RABGGTA: variants seen among roughly 807,000 people sequenced by gnomAD.
The protein encoded by RABGGTA is Rab geranylgeranyltransferase subunit alpha, also known as geranylgeranyl transferase type-2 subunit alpha.
Under a neutral mutation model 83.3 loss-of-function variants are expected in RABGGTA, and 69 were observed. The ratio of observed to expected loss-of-function variants is 0.83; its 90% CI spans 0.68 to 1.01. The LOEUF (loss-of-function observed/expected upper bound fraction) is 1.01, where lower values mean the gene tolerates loss of function less well. RABGGTA is among the 50% of genes least tolerant of loss of function. The probability of loss-of-function intolerance (pLI) is 0.00; values close to 1 mark genes in which losing one functional copy is unlikely to be tolerated. For synonymous variants in RABGGTA, 310 were observed against 299.8 expected (o/e 1.03, Z -0.35); for missense variants, 681 against 712.7 (o/e 0.96, Z 0.51).
intron 6 of RABGGTA, 67 bp downstream of exon 6, chr14:24,269,424 G>A (rs1381854417): frequency 1.3e-6 from 2 of 1,496,736 alleles, no homozygotes; most frequent in Non-Finnish European, 1.9e-6. Context: ...TTCAGGAACA[G>A]GGTCAGGCAT....
In RABGGTA at chr14:24,266,937, G is replaced by A. The variant is rs371450905; in HGVS notation, c.1354-48C>T. 41 of 1,421,938 alleles carry A rather than the reference G, an allele frequency of 2.9e-5. No homozygotes were observed. In the African/African-American group the frequency reaches 5.5e-4, roughly 19 times the overall value. 88.1% of individuals were successfully genotyped at this position (1,421,938 alleles called of 1,614,324 possible). The stretch of plus-strand genomic sequence containing the variant: ...AGGTGATGGGCTTCCCAGGAGACCT[G>A]GGAGAGGGTCCTCGGCCAGCATTTA... On this transcript the variant is annotated intron_variant, in intron 14 of 16. Transcript: ENST00000216840.
At chr14:24,268,227 G>T in intron 11 of RABGGTA, 29 bp from the exon 12 acceptor site, 1 of 1,608,338 alleles carries the variant, frequency 6.2e-7, no homozygotes, top group South Asian at 1.1e-5. Context: ...GGGAGGAGTT[G>T]AGGCCCACAG....
Position 24,270,330 on chromosome 14 carries a change from G to A in RABGGTA, c.239+4C>T, listed in dbSNP as rs747234085. On this transcript the variant is annotated splice_donor_region_variant and intron_variant, in intron 4 of 16. Transcript: ENST00000216840. ...GTCTTCTGAGATCCTGAATCCCTAC[G>A]CACTTCTGAGTCTCCAGCTGCTGGA... 6.3e-5 allele frequency: 101 copies of A among 1,612,874 alleles called. No homozygotes were observed. The highest frequency in any genetic ancestry group is 1.3e-4 in the East Asian group (6 of 44,838).
intron 16 of RABGGTA, 86 bp downstream of exon 16, chr14:24,266,344 G>C: frequency 8.0e-7 from 1 of 1,250,550 alleles, no homozygotes; most frequent in East Asian, 2.3e-5. Flanking sequence ...CAAGAGGGTG[G>C]CACATACCCT....
In RABGGTA at chr14:24,271,149, T is replaced by G. The variant is rs374973643; in HGVS notation, c.-34A>C. On this transcript the variant is annotated 5_prime_UTR_variant, in exon 2 of 17. Transcript: ENST00000216840. The stretch of plus-strand genomic sequence containing the variant: ...CTCAGGGTTCAAGACAGGGGAAGGG[T>G]CCAGTGGTAGCCCTTGAAGTCTGAG... The G allele has an allele frequency of 6.6e-7, 1 of 1,523,244 alleles. No individual in the cohort carries two copies. Among genetic ancestry groups the G allele is most frequent in the African/African-American group, 1.4e-5 (1 of 71,728 alleles). 94.4% of individuals were successfully genotyped at this position (1,523,244 alleles called of 1,614,324 possible). A position where few individuals can be genotyped will look rare whatever the true frequency, so the allele number is the denominator to read the frequency against.
chr14:24,267,606 G>A (rs1269595198), intron 14 of RABGGTA, 54 bp downstream of exon 14: 15 of 1,446,788 alleles, frequency 1.0e-5, no homozygotes, highest in African/African-American at 1.4e-5. Context: ...AGTCAGGGAC[G>A]TGGGGAGGCC....
At chr14:24,269,720 C>A in intron 5 of RABGGTA, 26 bp from the exon 6 acceptor site, 1 of 1,609,978 alleles carries the variant, frequency 6.2e-7, no homozygotes, top group Admixed American at 1.7e-5. Flanking sequence ...GACAGCATAT[C>A]TTAGAGGCAG....
Position 24,269,523 on chromosome 14 carries a change from T to C in RABGGTA, c.599A>G (p.Gln200Arg). The C allele has an allele frequency of 2.5e-6, 4 of 1,604,442 alleles. No individual in the cohort carries two copies. The highest frequency in any genetic ancestry group is 3.4e-6 in the Non-Finnish European group (4 of 1,171,236). Residue 200 changes from glutamine (Q) to arginine (R), a missense_variant, in exon 6 of 17, where the codon CAG (glutamine) becomes CGG (arginine). Physicochemically the swap from Gln to Arg is conservative, Grantham distance 43. Around this residue, in one of 5 missense-constraint regions of RABGGTA, gnomAD observed 122 missense variants for 118.9 expected, o/e 1.03. Coordinates refer to ENST00000216840, the MANE Select transcript of RABGGTA (RefSeq NM_182836.3). ...CAGCACATCCTCAGGGAGGCGCCCC[T>C]GTGGTCCAGAATCCGGCTGGGGGTG... is the stretch of plus-strand genomic sequence containing the variant. ...QLHPQPDSGP[Q>R]GRLPEDVLLK...
rs367971962 is a variant in RABGGTA at position 24,268,973 on chromosome 14, G to T, written c.736C>A (p.Arg246Ser). The T allele has an allele frequency of 1.5e-5, 24 of 1,587,118 alleles. No individual in the cohort carries two copies. Among genetic ancestry groups the T allele is most frequent in the Non-Finnish European group, 1.7e-6 (2 of 1,165,854 alleles). The change falls in exon 8 of 17, where the codon CGC becomes AGC. Residue 246 changes from arginine (R) to serine (S), a missense_variant. Around this residue, in one of 5 missense-constraint regions of RABGGTA, gnomAD observed 421 missense variants for 418.5 expected, o/e 1.01. Coordinates refer to ENST00000216840, the MANE Select transcript of RABGGTA (RefSeq NM_182836.3). ...TCGTCCCGGCTCACATGCAGGCAGC[G>T]CAGTGCATCCTGGGGGTCAGCTGCG... ...LGRADPQDAL[R>S]CLHVSRDEAC... is the part of the protein sequence containing the mutation.
At position 24,271,154 on chromosome 14, in the gene RABGGTA, T is replaced by G. The variant is rs2040944849; in HGVS notation, c.-39A>C. ...GGTTCAAGACAGGGGAAGGGTCCAG[T>G]GGTAGCCCTTGAAGTCTGAGGAGAG... On this transcript the variant is annotated 5_prime_UTR_variant, in exon 2 of 17. Coordinates refer to ENST00000216840, the MANE Select transcript of RABGGTA (RefSeq NM_182836.3). 5 of 1,518,150 alleles carry G rather than the reference T, an allele frequency of 3.3e-6. No individual in the cohort carries two copies. The highest frequency in any genetic ancestry group is 1.3e-5 in the South Asian group (1 of 75,288). The allele number at this position is 1,518,150 out of a possible 1,614,324, so 94.0% of individuals were successfully genotyped here.
rs73589646 is a variant in RABGGTA, at chr14:24,266,529, G to A, written c.1468-12C>T. 6.6e-3 allele frequency: 10,580 copies of A among 1,612,222 alleles called. 629 individuals are homozygous for A. The African/African-American group carries it at 0.13, about 19-fold the overall frequency. Reference sequence around the variant, plus strand: ...CTGGCCTGCAGCACCTGGGGGCAGGGAGGGCAGGGAGGCAGGACAGGCGCT... The same window carrying A: ...CTGGCCTGCAGCACCTGGGGGCAGGAAGGGCAGGGAGGCAGGACAGGCGCT... On this transcript the variant is annotated splice_polypyrimidine_tract_variant and intron_variant, in intron 15 of 16. Coordinates refer to ENST00000216840, the MANE Select transcript of RABGGTA (RefSeq NM_182836.3).
Position 24,270,438 on chromosome 14 carries a change from A to C in RABGGTA, c.135T>G (p.Asp45Glu), listed in dbSNP as rs2040933074. Residue 45 changes from aspartate to glutamate, a missense_variant, in exon 4 of 17, where the codon GAT (aspartate) becomes GAG (glutamate). Asp to Glu is a conservative substitution (Grantham distance 45, BLOSUM62 2). Coordinates refer to ENST00000216840, the MANE Select transcript of RABGGTA (RefSeq NM_182836.3). The stretch of plus-strand genomic sequence containing the variant: ...GGCTTGTCAGTTCCAGCACGGACTC[A>C]TCCAGCTCACCAGCCTGGCGCTAAG... ...VFQKRQAGEL[D>E]ESVLELTSQI... 6.2e-7 allele frequency: 1 copy of C among 1,613,934 alleles called. No individual in the cohort carries two copies. Among genetic ancestry groups the C allele is most frequent in the African/African-American group, 1.3e-5 (1 of 74,936 alleles).
chr14:24,266,521 G>GGGGCAGGGA lies in RABGGTA; in HGVS notation c.1468-13_1468-5dup, dbSNP rs753079794. Reference sequence around the variant, plus strand: ...CATTATCACTGGCCTGCAGCACCTGGGGGCAGGGAGGGCAGGGAGGCAGGA... The same window carrying GGGGCAGGGA: ...CATTATCACTGGCCTGCAGCACCTGGGGGCAGGGAGGGCAGGGAGGGCAGGGAGGCAGGA... On this transcript the variant is annotated splice_region_variant and splice_polypyrimidine_tract_variant and intron_variant, in intron 15 of 16. Coordinates refer to ENST00000216840, the MANE Select transcript of RABGGTA (RefSeq NM_182836.3). The GGGGCAGGGA allele has an allele frequency of 5.6e-6, 9 of 1,613,406 alleles. No individual in the cohort carries two copies. In the South Asian group the frequency reaches 7.7e-5, roughly 14 times the overall value.
Position 24,270,367 on chromosome 14 carries a change from C to A in RABGGTA, c.206G>T (p.Arg69Leu), listed in dbSNP as rs1164361894. Reference sequence around the variant, plus strand: ...CTCCAGCTGCTGGAGCACCTCTCGTCGGCAGTTCCAGAGGGTGGCAAAATC... The same window carrying A: ...CTCCAGCTGCTGGAGCACCTCTCGTAGGCAGTTCCAGAGGGTGGCAAAATC... ...NPDFATLWNC[R>L]REVLQQLETQ... The change falls in exon 4 of 17, where the codon CGA (arginine) becomes CTA (leucine). Residue 69 changes from arginine (R) to leucine (L), a missense_variant. By Grantham distance (102) the Arg-to-Leu change is moderately radical. This residue lies in a region of RABGGTA where 115 missense variants were observed against 111.5 expected (regional missense o/e 1.03). Transcript: ENST00000216840. The A allele has an allele frequency of 6.2e-7, 1 of 1,613,878 alleles. No homozygotes were observed. Among genetic ancestry groups the A allele is most frequent in the South Asian group, 1.1e-5 (1 of 91,040 alleles).
At chr14:24,267,823 C>G in intron 13 of RABGGTA, 47 bp from the exon 14 acceptor site, 1 of 1,611,326 alleles carries the variant, frequency 6.2e-7, no homozygotes, top group African/African-American at 1.3e-5. Context: ...CTGCCTGCCT[C>G]CTGCCTGCTG....
At chr14:24,270,781 C>T in intron 3 of RABGGTA, 56 bp downstream of exon 3, 2 of 1,580,556 alleles carry the variant, frequency 1.3e-6, no homozygotes, top group South Asian at 2.3e-5. Context: ...AGCTCTTGGC[C>T]TCTGCACTAT....
intron 14 of RABGGTA, 83 bp downstream of exon 14, chr14:24,267,577 C>T (rs1321219802): frequency 1.8e-6 from 2 of 1,084,832 alleles, no homozygotes; most frequent in Non-Finnish European, 2.7e-6. Flanking sequence ...TCCACAAAGG[C>T]ACCTGAGACT....
rs563239776 is a variant in RABGGTA at position 24,268,627 on chromosome 14, T to C, written c.901-8A>G. On this transcript the variant is annotated splice_region_variant and splice_polypyrimidine_tract_variant and intron_variant, in intron 9 of 16. Coordinates refer to ENST00000216840, the MANE Select transcript of RABGGTA (RefSeq NM_182836.3). ...AGCAGGCAGGTCACAGAGCTGGGAG[T>C]ACTGGGTCAAGGAAATGCCCCAGCC... The C allele has an allele frequency of 6.2e-7, 1 of 1,613,080 alleles. No homozygotes were observed. The highest frequency in any genetic ancestry group is 2.2e-5 in the East Asian group (1 of 44,878).
chr14:24,271,123 G>C lies in RABGGTA; in HGVS notation c.-8C>G. 2.6e-6 allele frequency: 4 copies of C among 1,544,312 alleles called. No individual in the cohort carries two copies. Among genetic ancestry groups the C allele is most frequent in the Non-Finnish European group, 3.5e-6 (4 of 1,146,052 alleles). On this transcript the variant is annotated 5_prime_UTR_variant, in exon 2 of 17. Coordinates refer to ENST00000216840, the MANE Select transcript of RABGGTA (RefSeq NM_182836.3). ...GCTCAGGGTTCTCACCATGGTGCCGGCTCAGGGTTCAAGACAGGGGAAGGG... is the reference window on the plus strand; with the variant it reads ...GCTCAGGGTTCTCACCATGGTGCCGCCTCAGGGTTCAAGACAGGGGAAGGG...
Sources: gnomAD v4.1 joint callset for allele counts on GRCh38, gnomAD v4.1.1 for gene constraint, gnomAD v4.1.1 regional missense constraint, MANE v1.5 for transcripts, NCBI Gene and HGNC (gene_info 2026-07-23, HGNC 2026-07-21) for gene names.